The following STAB2 variants were observed in gnomAD, a reference collection of about 807,000 sequenced individuals.
STAB2 encodes stabilin-2.
In STAB2, 288 loss-of-function variants were observed where a neutral mutation model predicts 338.1. The ratio of observed to expected loss-of-function variants is 0.85; its 90% CI spans 0.77 to 0.94. The LOEUF is 0.94. Ranked by LOEUF, STAB2 falls within the 40% of genes least tolerant of loss-of-function variation. The pLI is 0.00. For missense variants in STAB2, 3,141 were observed against 3,210.1 expected, an observed-to-expected ratio of 0.98 and a Z score of 0.52; for synonymous variants, 1,202 against 1,193.3, an observed-to-expected ratio of 1.01 and a Z score of -0.15.
At chr12:103,599,414 G>T (rs889610642) in intron 3 of STAB2, among the ~76,000 whole-genome samples, 1 of 152,144 alleles carries the variant, frequency 6.6e-6, no homozygotes, top group African/African-American at 2.4e-5. Context: ...TGACACCTGA[G>T]CTCCCTTCTG....
chr12:103,684,644 T>C (rs559590519), intron 26 of STAB2, among the ~76,000 whole-genome samples: 116 of 152,368 alleles, frequency 7.6e-4, no homozygotes, highest in Non-Finnish European at 1.4e-3. Flanking sequence ...TGCACAAGTA[T>C]GTGTTGAAAA....
At chr12:103,711,727 C>G (rs1430979691) in intron 40 of STAB2, among the ~76,000 whole-genome samples, 1 of 152,212 alleles carries the variant, frequency 6.6e-6, no homozygotes, top group Non-Finnish European at 1.5e-5. Context: ...TCTGACTTAC[C>G]TGGCACATTG....
At chr12:103,654,883 C>G in intron 13 of STAB2, 185 bp downstream of exon 13, 2 of 711,748 alleles carry the variant, frequency 2.8e-6, no homozygotes, top group Admixed American at 6.9e-5. Flanking sequence ...AGAAAGAAAG[C>G]AAGACGTACA....
At chr12:103,669,213 G>A (rs528526294) in intron 20 of STAB2, 16 of 309,142 alleles carry the variant, frequency 5.2e-5, no homozygotes, top group East Asian at 2.0e-4. Flanking sequence ...AGCACTCACC[G>A]TTCTCTGAAA....
chr12:103,700,085 G>A (rs1268255699), intron 34 of STAB2, among the ~76,000 whole-genome samples: 1 of 152,268 alleles, frequency 6.6e-6, no homozygotes, highest in Non-Finnish European at 1.5e-5. Context: ...CACCACACTG[G>A]TATTCTAGTG....
intron 7 of STAB2, among the ~76,000 whole-genome samples, chr12:103,637,705 T>C (rs1474205257): frequency 2.6e-5 from 4 of 152,242 alleles, no homozygotes; most frequent in Non-Finnish European, 5.9e-5. Flanking sequence ...TTAAATGAGT[T>C]AATACATAGC....
chr12:103,754,624 C>T lies in STAB2; in HGVS notation c.6715-678C>T, dbSNP rs559681595. On this transcript the variant is annotated intron_variant, in intron 61 of 68. Coordinates refer to ENST00000388887, the MANE Select transcript of STAB2 (RefSeq NM_017564.10). ...GGGAGGATGACAATAATTATAATAACGATGAGAGCAATGATGATATTATGA... is the reference window on the plus strand; with the variant it reads ...GGGAGGATGACAATAATTATAATAATGATGAGAGCAATGATGATATTATGA... 1.1e-4 allele frequency among the ~76,000 whole-genome samples: 17 copies of T among 152,020 alleles called. No individual in the cohort carries two copies. In the South Asian group the frequency reaches 3.1e-3, roughly 28 times the overall value.
intron 34 of STAB2, 85 bp downstream of exon 34, chr12:103,699,312 T>C: frequency 6.8e-7 from 1 of 1,480,294 alleles, no homozygotes; most frequent in Non-Finnish European, 9.1e-7. Flanking sequence ...TTGGCTCCTG[T>C]CATCCTTCAT....
rs1406562889 is a variant in STAB2, at chr12:103,727,323, A to G, written c.4908A>G (p.Leu1636=). Residue 1636 remains leucine (L), a synonymous_variant, in exon 47 of 69, where the codon TTA becomes TTG. Coordinates refer to ENST00000388887, the MANE Select transcript of STAB2 (RefSeq NM_017564.10). ...GPGPFTVFAP[L]SAAFDEEARV... ...GCCCCTTCACTGTTTTTGCACCTTT[A>G]TCTGCAGCCTTTGATGAGGAAGCTC... 6.2e-7 allele frequency: 1 copy of G among 1,614,246 alleles called. No individual in the cohort carries two copies. Among genetic ancestry groups the G allele is most frequent in the South Asian group, 1.1e-5 (1 of 91,088 alleles).
chr12:103,738,267 CATTT>C (rs1020899477), intron 53 of STAB2, among the ~76,000 whole-genome samples: 6 of 152,162 alleles, frequency 3.9e-5, no homozygotes, highest in African/African-American at 1.4e-4. Flanking sequence ...TTGATTCATT[CATTT>C]GACAATATTG....
Position 103,637,191 on chromosome 12 carries a change from T to G in STAB2, c.664T>G (p.Cys222Gly). The G allele has an allele frequency of 3.1e-6, 5 of 1,613,104 alleles. No individual in the cohort carries two copies. Among genetic ancestry groups the G allele is most frequent in the Non-Finnish European group, 4.2e-6 (5 of 1,179,692 alleles). The change falls in exon 7 of 69, where the codon TGC becomes GGC. Residue 222 changes from cysteine to glycine, a missense_variant. Coordinates refer to ENST00000388887, the MANE Select transcript of STAB2 (RefSeq NM_017564.10). ...CACTGAAGATGAAAACAAACTGGAATGCAAATGCCTTCCCAATTACCGAGG... is the reference window on the plus strand; with the variant it reads ...CACTGAAGATGAAAACAAACTGGAAGGCAAATGCCTTCCCAATTACCGAGG... ...PSTEDENKLECKCLPNYRGDG... is the reference protein window; with the variant it reads ...PSTEDENKLEGKCLPNYRGDG...
Position 103,655,272 on chromosome 12 carries a change from C to A in STAB2, c.1573C>A (p.Gln525Lys), listed in dbSNP as rs763269662. Residue 525 changes from glutamine to lysine, a missense_variant, in exon 14 of 69, where the codon CAA becomes AAA. Gln to Lys is a moderately conservative substitution (Grantham distance 53, BLOSUM62 1). Coordinates refer to ENST00000388887, the MANE Select transcript of STAB2 (RefSeq NM_017564.10). ...TTAGCAAACCATAATGACAATGCTA[C>A]AACCAAGGTACAGCAAGTTCAGATC... ...NNEQTIMTML[Q>K]PRYSKFRSLL... The A allele has an allele frequency of 6.2e-7, 1 of 1,612,944 alleles. No individual in the cohort carries two copies. The highest frequency in any genetic ancestry group is 1.7e-4 in the Middle Eastern group (1 of 6,060).
At chr12:103,638,367 A>C (rs1253804684) in intron 8 of STAB2, among the ~76,000 whole-genome samples, 155 bp downstream of exon 8, 1 of 152,152 alleles carries the variant, frequency 6.6e-6, no homozygotes, top group East Asian at 1.9e-4. Flanking sequence ...TCAGAGCCTG[A>C]AATCAGTGCC....
At chr12:103,598,485 G>T (rs1956909466) in intron 3 of STAB2, among the ~76,000 whole-genome samples, 1 of 152,192 alleles carries the variant, frequency 6.6e-6, no homozygotes, top group Admixed American at 6.5e-5. Flanking sequence ...AGCTTCTTGA[G>T]CATCACAATG....
intron 64 of STAB2, among the ~76,000 whole-genome samples, chr12:103,758,749 A>G (rs978267539): frequency 6.6e-6 from 1 of 152,214 alleles, no homozygotes; most frequent in Non-Finnish European, 1.5e-5. Context: ...TGTGTTCCAC[A>G]CCAACCTTCT....
chr12:103,621,202 G>A (rs924872360), intron 4 of STAB2, among the ~76,000 whole-genome samples: 3 of 152,112 alleles, frequency 2.0e-5, no homozygotes, highest in Non-Finnish European at 4.4e-5. Context: ...CACTATATAG[G>A]ACTATAGAAA....
chr12:103,692,743 C>T (rs1878056472), intron 30 of STAB2, 69 bp from the exon 31 acceptor site: 1 of 1,341,098 alleles, frequency 7.5e-7, no homozygotes, highest in African/African-American at 1.5e-5. Flanking sequence ...GCAGAAACCC[C>T]AGAGATCATC....
At chr12:103,726,287 G>A (rs187123970) in intron 46 of STAB2, 124 bp downstream of exon 46, 1,365 of 905,428 alleles carry the variant, frequency 1.5e-3, no homozygotes, top group Non-Finnish European at 2.1e-3. Flanking sequence ...TCAGGAGTTC[G>A]AGACCAGTCT....
At chr12:103,699,303 T>C in intron 34 of STAB2, 76 bp downstream of exon 34, 3 of 1,521,130 alleles carry the variant, frequency 2.0e-6, no homozygotes, top group South Asian at 2.5e-5. Context: ...ATGAGTGTCT[T>C]GGCTCCTGTC....
Sources: allele counts gnomAD v4.1 joint callset (sites outside exome capture counted in the v4.1 genomes callset), GRCh38; gene constraint gnomAD v4.1.1; transcripts MANE v1.5; gene names NCBI Gene and HGNC (gene_info 2026-07-23, HGNC 2026-07-21).